MINDY1: variants seen among roughly 807,000 people sequenced by gnomAD.
MINDY1 encodes the protein ubiquitin carboxyl-terminal hydrolase MINDY-1.
In MINDY1, 50 loss-of-function variants were observed where a neutral mutation model predicts 53.6. The observed-to-expected ratio is 0.93, with a 90% confidence interval of 0.74 to 1.18. MINDY1 has a LOEUF of 1.18. MINDY1 is among the 50% of genes most tolerant of loss of function. The probability of loss-of-function intolerance (pLI) is 0.00; values close to 1 mark genes in which losing one functional copy is unlikely to be tolerated. For synonymous variants in MINDY1, 231 were observed against 234.7 expected (o/e 0.98, Z 0.14); for missense variants, 484 against 578.6 (o/e 0.84, Z 1.68).
chr1:151,008,019 G>A (rs1207864940), upstream of MINDY1, among the ~76,000 whole-genome samples: 2 of 152,166 alleles, frequency 1.3e-5, no homozygotes, highest in Admixed American at 1.3e-4. Flanking sequence ...TTAACAAGAG[G>A]GGTCAAAGAT....
Position 151,004,490 on chromosome 1 carries a change from G to A in MINDY1, c.-89-1784C>T, listed in dbSNP as rs775444159. Among the ~76,000 whole-genome samples the A allele has an allele frequency of 5.3e-5, 8 of 152,248 alleles. No individual in the cohort carries two copies. In the South Asian group the frequency reaches 1.7e-3, roughly 32 times the overall value. ...CACGCCTGTAATCCCAGCACTTTGA[G>A]AGGCTGAGGCGGGCAGATTACTTGA... On this transcript the variant is annotated intron_variant, in intron 1 of 9. Transcript: ENST00000683666.
upstream of MINDY1, among the ~76,000 whole-genome samples, chr1:151,008,037 A>T (rs1264090647): frequency 2.6e-5 from 4 of 152,246 alleles, no homozygotes; most frequent in African/African-American, 9.6e-5. Context: ...GATTATTCTA[A>T]TGTTCTCCTA....
At chr1:151,000,376 C>CT in intron 5 of MINDY1, 81 bp downstream of exon 5, 1 of 1,468,024 alleles carries the variant, frequency 6.8e-7, no homozygotes, top group Non-Finnish European at 9.1e-7. Flanking sequence ...CCCTAACTCC[C>CT]TAACCTCTAC....
Position 151,006,885 on chromosome 1 carries a change from G to C in MINDY1, c.-663C>G. 3.0e-6 allele frequency: 3 copies of C among 985,414 alleles called. No individual in the cohort carries two copies. Among genetic ancestry groups the C allele is most frequent in the Non-Finnish European group, 3.6e-6 (3 of 829,962 alleles). 61.0% of individuals were successfully genotyped at this position (985,414 alleles called of 1,614,324 possible). On this transcript the variant is annotated 5_prime_UTR_variant, in exon 1 of 10. Coordinates refer to ENST00000683666, the MANE Select transcript of MINDY1 (RefSeq NM_001376665.1). ...CCTCTGCCTGCCTCTAGAAGGGACG[G>C]AGCGCTTGTGCCTCTCTGGTGAGAA...
chr1:151,003,948 G>GT (rs1672848458), intron 1 of MINDY1, among the ~76,000 whole-genome samples: 1 of 152,058 alleles, frequency 6.6e-6, no homozygotes, highest in South Asian at 2.1e-4. Context: ...TTGAGACAGA[G>GT]TTTTGCTCTT....
Position 150,999,344 on chromosome 1 carries a change from C to G in MINDY1, c.981+25G>C. On this transcript the variant is annotated intron_variant, in intron 7 of 9. Transcript: ENST00000683666. The surrounding 1 kb of genome is among the most constrained non-coding windows in gnomAD (Gnocchi z 4.4). ...GCACCAGGAAATGACAGCACCGCAG[C>G]ACGCCACCCCCAAACTCGCATTACC... The G allele has an allele frequency of 6.2e-7, 1 of 1,613,224 alleles. No homozygotes were observed.
chr1:151,007,248 G>A (rs371521171), upstream of MINDY1, among the ~76,000 whole-genome samples: 1 of 152,320 alleles, frequency 6.6e-6, no homozygotes, highest in East Asian at 1.9e-4. Context: ...GCTGACGCCT[G>A]TAATCCCAGC....
chr1:150,999,778 T>C lies in MINDY1; in HGVS notation c.838+84A>G. 7 of 1,235,296 alleles carry C rather than the reference T, an allele frequency of 5.7e-6. No homozygotes were observed. Among genetic ancestry groups the C allele is most frequent in the Non-Finnish European group, 8.2e-6 (7 of 856,576 alleles). 76.5% of individuals were successfully genotyped at this position (1,235,296 alleles called of 1,614,324 possible). On this transcript the variant is annotated intron_variant, in intron 6 of 9. Coordinates refer to ENST00000683666, the MANE Select transcript of MINDY1 (RefSeq NM_001376665.1). This position sits in a 1 kb window ranked among gnomAD's most constrained non-coding sequence, Gnocchi z 4.4. ...GAAGCTTATATCTAGTGGGATGTGG[T>C]AGGAGATGACACCCAATAAAAAATA...
At chr1:151,006,120 C>T (rs974640351) in intron 1 of MINDY1, 192 bp downstream of exon 1, 31 of 1,551,530 alleles carry the variant, frequency 2.0e-5, no homozygotes, top group African/African-American at 5.5e-5. Flanking sequence ...GGGAAGGTTT[C>T]GTGCTTTCAT....
In MINDY1 at chr1:151,000,903, T is replaced by C. The variant is rs587710037; in HGVS notation, c.577-288A>G. On this transcript the variant is annotated intron_variant, in intron 4 of 9. Transcript: ENST00000683666. ...AAGTGACCCTCCCACCTCAGCCTCC[T>C]GAGTAGCTGGGACTACAGGCACGCA... Among the ~76,000 whole-genome samples the C allele has an allele frequency of 4.6e-5, 7 of 152,148 alleles. No homozygotes were observed. In the East Asian group the frequency reaches 1.4e-3, roughly 29 times the overall value.
intron 3 of MINDY1, 120 bp downstream of exon 3, chr1:151,001,605 C>T (rs12096801): frequency 0.065 from 83,188 of 1,283,544 alleles, 3,152 homozygotes; most frequent in African/African-American, 0.14. Context: ...CCCATAGACC[C>T]TTACCCTCCC....
intron 1 of MINDY1, among the ~76,000 whole-genome samples, chr1:151,005,315 G>C (rs587764437): frequency 6.6e-6 from 1 of 152,008 alleles, no homozygotes; most frequent in Non-Finnish European, 1.5e-5. Flanking sequence ...AGCCGGGCAC[G>C]GTGGCGGGCA....
chr1:150,998,302 G>T, intron 7 of MINDY1, 29 bp from the exon 8 acceptor site: 1 of 1,582,714 alleles, frequency 6.3e-7, no homozygotes. Context: ...AGCTCATTGG[G>T]GGGACAGTTG....
Position 150,997,408 on chromosome 1 carries a change from A to C in MINDY1, c.1330-41T>G, listed in dbSNP as rs1671941536. ...CAATTGGTCACTGAACTTCCTTGGAAGAGCACAAGAAGAGATTCTAGAAGA... is the reference window on the plus strand; with the variant it reads ...CAATTGGTCACTGAACTTCCTTGGACGAGCACAAGAAGAGATTCTAGAAGA... On this transcript the variant is annotated intron_variant, in intron 9 of 9. Transcript: ENST00000683666. 8 of 1,571,286 alleles carry C rather than the reference A, an allele frequency of 5.1e-6. No homozygotes were observed. In the South Asian group the frequency reaches 8.1e-5, roughly 16 times the overall value.
chr1:151,003,640 G>A (rs1672812016), intron 1 of MINDY1, among the ~76,000 whole-genome samples: 1 of 152,032 alleles, frequency 6.6e-6, no homozygotes, highest in African/African-American at 2.4e-5. Context: ...AACTCCTGGG[G>A]GCCCAAGCAA....
upstream of MINDY1, among the ~76,000 whole-genome samples, chr1:151,007,164 A>G (rs1422538577): frequency 2.0e-5 from 3 of 152,122 alleles, no homozygotes; most frequent in East Asian, 5.8e-4. Flanking sequence ...TAAGTCTAGA[A>G]ATGAAACTGG....
In MINDY1 at chr1:150,999,760, A is replaced by T; in HGVS notation, c.838+102T>A. 1 of 1,135,092 alleles carries T rather than the reference A, an allele frequency of 8.8e-7. No individual in the cohort carries two copies. Among genetic ancestry groups the T allele is most frequent in the Non-Finnish European group, 1.3e-6 (1 of 783,892 alleles). The allele number at this position is 1,135,092 out of a possible 1,614,324, so 70.3% of individuals were successfully genotyped here. A position where few individuals can be genotyped will look rare whatever the true frequency, so the allele number is the denominator to read the frequency against. On this transcript the variant is annotated intron_variant, in intron 6 of 9. Transcript: ENST00000683666. The surrounding 1 kb of genome is among the most constrained non-coding windows in gnomAD (Gnocchi z 4.4). ...CCCCAAGCTCCTTCTTGTGAAGCTTATATCTAGTGGGATGTGGTAGGAGAT... is the reference window on the plus strand; with the variant it reads ...CCCCAAGCTCCTTCTTGTGAAGCTTTTATCTAGTGGGATGTGGTAGGAGAT...
chr1:151,000,025 G>T, intron 5 of MINDY1, 61 bp from the exon 6 acceptor site: 2 of 1,251,168 alleles, frequency 1.6e-6, no homozygotes, highest in Non-Finnish European at 2.3e-6. Flanking sequence ...CTTTTTTAAG[G>T]AAGGAAATGA....
At position 151,002,460 on chromosome 1, in the gene MINDY1, G is replaced by C. The variant is rs374440338; in HGVS notation, c.158C>G (p.Ala53Gly). Reference protein sequence around the residue: ...ADGEAREREPADQALLPSQCG... With the variant: ...ADGEAREREPGDQALLPSQCG... Reference sequence around the variant, plus strand: ...CTGGCTAGGCAGCAAAGCTTGGTCTGCTGGCTCCCGTTCTCTAGCCTCCCC... The same window carrying C: ...CTGGCTAGGCAGCAAAGCTTGGTCTCCTGGCTCCCGTTCTCTAGCCTCCCC... The change falls in exon 2 of 10, where the codon GCA (alanine) becomes GGA (glycine). Residue 53 changes from alanine to glycine, a missense_variant. Coordinates refer to ENST00000683666, the MANE Select transcript of MINDY1 (RefSeq NM_001376665.1). This position sits in a 1 kb window ranked among gnomAD's most constrained non-coding sequence, Gnocchi z 4.1. 2 of 1,614,080 alleles carry C rather than the reference G, an allele frequency of 1.2e-6. No individual in the cohort carries two copies. Among genetic ancestry groups the C allele is most frequent in the African/African-American group, 2.7e-5 (2 of 74,934 alleles).
Sources: gnomAD v4.1 joint callset for allele counts (sites outside exome capture counted in the v4.1 genomes callset) on GRCh38, gnomAD v4.1.1 for gene constraint, Gnocchi (gnomAD v3.1) non-coding constraint, MANE v1.5 for transcripts, NCBI Gene and HGNC (gene_info 2026-07-23, HGNC 2026-07-21) for gene names.